SPOCD1: variants seen among roughly 807,000 people sequenced by gnomAD.
SPOCD1 encodes SPOC domain-containing protein 1.
SPOCD1 carries 64 observed loss-of-function variants against 92.2 expected under a neutral mutation model. The observed-to-expected ratio is 0.69, with a 90% CI of 0.57 to 0.86. The LOEUF is 0.86. SPOCD1 is among the 40% of genes least tolerant of loss of function. The probability of loss-of-function intolerance (pLI) is 0.00; values close to 1 mark genes in which losing one functional copy is unlikely to be tolerated. For synonymous variants in SPOCD1, 578 were observed against 619.3 expected, an observed-to-expected ratio of 0.93 and a Z score of 0.99; for missense variants, 1,360 against 1,543.1, an observed-to-expected ratio of 0.88 and a Z score of 1.99.
Position 31,798,400 on chromosome 1 carries a change from G to C in SPOCD1, c.2028+42C>G, listed in dbSNP as rs771667382. ...CCCTAGCATCCTGCAGGGGCTCTGA[G>C]ATTCAGAGAGGGGACGCAGCCCAGC... On this transcript the variant is annotated intron_variant, in intron 8 of 15. Coordinates refer to ENST00000360482, the MANE Select transcript of SPOCD1 (RefSeq NM_144569.7). This position sits in a 1 kb window ranked among gnomAD's most constrained non-coding sequence, Gnocchi z 4.1. 3.1e-6 allele frequency: 5 copies of C among 1,591,706 alleles called. No homozygotes were observed. The highest frequency in any genetic ancestry group is 1.3e-5 in the African/African-American group (1 of 74,584).
intron 2 of SPOCD1, among the ~76,000 whole-genome samples, chr1:31,803,097 T>TA (rs1648573977): frequency 6.6e-6 from 1 of 151,624 alleles, no homozygotes; most frequent in Admixed American, 6.6e-5. Flanking sequence ...TCAGGGGTCC[T>TA]AACGTCCATG....
rs1167571232 is a variant in SPOCD1 at position 31,815,990 on chromosome 1, G to A, written c.-69C>T. 2.6e-5 allele frequency: 4 copies of A among 152,436 alleles called. No individual in the cohort carries two copies. The East Asian group carries it at 7.7e-4, about 29-fold the overall frequency. The allele number at this position is 152,436 out of a possible 1,614,324, so 9.4% of individuals were successfully genotyped here. A position where few individuals can be genotyped will look rare whatever the true frequency, so the allele number is the denominator to read the frequency against. ...GCTTCCCTGAGTTTTCCCTCCTGGGGTTCCACCCACTAGCTGAAAAGGAGC... is the reference window on the plus strand; with the variant it reads ...GCTTCCCTGAGTTTTCCCTCCTGGGATTCCACCCACTAGCTGAAAAGGAGC... On this transcript the variant is annotated 5_prime_UTR_variant, in exon 1 of 16. Coordinates refer to ENST00000360482, the MANE Select transcript of SPOCD1 (RefSeq NM_144569.7).
At position 31,814,582 on chromosome 1, in the gene SPOCD1, G is replaced by T. The variant is rs1189106134; in HGVS notation, c.752C>A (p.Ser251Tyr). 6.5e-7 allele frequency: 1 copy of T among 1,528,792 alleles called. No individual in the cohort carries two copies. The highest frequency in any genetic ancestry group is 2.3e-5 in the East Asian group (1 of 44,090). 94.7% of individuals were successfully genotyped at this position (1,528,792 alleles called of 1,614,324 possible). A position where few individuals can be genotyped will look rare whatever the true frequency, so the allele number is the denominator to read the frequency against. The change falls in exon 2 of 16, where the codon TCC becomes TAC. Residue 251 changes from serine (S) to tyrosine (Y), a missense_variant. By Grantham distance (144) the Ser-to-Tyr change is moderately radical. Around this residue, in one of 3 missense-constraint regions of SPOCD1, gnomAD observed 606 missense variants for 601.5 expected, o/e 1.01. Transcript: ENST00000360482. This position sits in a 1 kb window ranked among gnomAD's most constrained non-coding sequence, Gnocchi z 4.2. ...GGGAGGTCTGCAAGGGCCTCCCAAG[G>T]ACTCCAGGTCAGCAACTTGGGGAGG... is the stretch of plus-strand genomic sequence containing the variant. ...GDPPQVADLE[S>Y]LGGPCRPPSP...
intron 2 of SPOCD1, among the ~76,000 whole-genome samples, chr1:31,802,678 A>G (rs1460405582): frequency 6.6e-6 from 1 of 152,208 alleles, no homozygotes; most frequent in East Asian, 1.9e-4. Flanking sequence ...TTCACTTTCT[A>G]CTTGTAGGAA....
At chr1:31,792,438 C>T (rs1160934398) in intron 14 of SPOCD1, 37 bp from the exon 15 acceptor site, 4 of 1,598,642 alleles carry the variant, frequency 2.5e-6, no homozygotes, top group Non-Finnish European at 2.6e-6. Context: ...TAAGCGCAGT[C>T]ATCCTCTGCT....
At position 31,794,146 on chromosome 1, in the gene SPOCD1, G is replaced by A. The variant is rs1647823390; in HGVS notation, c.2361C>T (p.Asp787=). 1.9e-6 allele frequency: 3 copies of A among 1,614,024 alleles called. No individual in the cohort carries two copies. The East Asian group carries it at 6.7e-5, about 36-fold the overall frequency. ...TTGQHDHHFL[D]PNCHICKDWE... ...CACCCTTGCAGATGTGGCAGTTGGG[G>A]TCTAAGAAGTGGTGGTCATGCTGCC... Residue 787 remains aspartate, a synonymous_variant, in exon 11 of 16, where the codon GAC becomes GAT. Transcript: ENST00000360482.
chr1:31,798,540 T>C lies in SPOCD1; in HGVS notation c.1930A>G (p.Ile644Val). ...EEVVEGIAAGIEAALWDLTQG... is the reference protein window; with the variant it reads ...EEVVEGIAAGVEAALWDLTQG... ...GTCAGGTCCCAGAGGGCTGCCTCAA[T>C]GCCAGCAGCAATGCCCTCCACCACC... The change falls in exon 8 of 16, where the codon ATT becomes GTT. Residue 644 changes from isoleucine (I) to valine (V), a missense_variant. This residue lies in a region of SPOCD1 where 614 missense variants were observed against 757.8 expected (regional missense o/e 0.81). Transcript: ENST00000360482. This position sits in a 1 kb window ranked among gnomAD's most constrained non-coding sequence, Gnocchi z 4.1. 1 of 1,613,874 alleles carries C rather than the reference T, an allele frequency of 6.2e-7. No individual in the cohort carries two copies.
chr1:31,795,812 C>T (rs1381857596), intron 10 of SPOCD1: 1 of 152,750 alleles, frequency 6.5e-6, no homozygotes, highest in Non-Finnish European at 1.5e-5. Flanking sequence ...GTTAAAGGGA[C>T]CTGCCCTGCA....
Position 31,815,052 on chromosome 1 carries a change from C to T in SPOCD1, c.282G>A (p.Ser94=), listed in dbSNP as rs763869524. 6.2e-6 allele frequency: 10 copies of T among 1,613,724 alleles called. No individual in the cohort carries two copies. In the East Asian group the frequency reaches 1.1e-4, roughly 18 times the overall value. ...GCATGTGGAGCCCAGGAGCCAGCAT[C>T]GAGCCCCGGCTCTGTACCACAGCTA... The part of the protein sequence containing the change: ...ELLAVVQSRG[S]MLAPGLHMQL... The change falls in exon 2 of 16, where the codon TCG becomes TCA. Residue 94 remains serine (S), a synonymous_variant. Coordinates refer to ENST00000360482, the MANE Select transcript of SPOCD1 (RefSeq NM_144569.7).
chr1:31,799,290 A>G (rs1343745676), intron 7 of SPOCD1, 111 bp downstream of exon 7: 17 of 939,346 alleles, frequency 1.8e-5, no homozygotes, highest in Non-Finnish European at 2.3e-5. Context: ...ACAGCTACCA[A>G]ATGGGGTTAG....
rs747881329 is a variant in SPOCD1 at position 31,790,799 on chromosome 1, T to C, written c.3455A>G (p.His1152Arg). 27 of 1,545,414 alleles carry C rather than the reference T, an allele frequency of 1.7e-5. No individual in the cohort carries two copies. The highest frequency in any genetic ancestry group is 2.0e-5 in the Non-Finnish European group (23 of 1,143,912). The stretch of plus-strand genomic sequence containing the variant: ...ACTCATGGTCGCCAGGGATTCGAGG[T>C]GCCGGAGCAGGGCTTGGTGGGGACA... ...DSCPHQALLR[H>R]LESLATMSHQ... The change falls in exon 16 of 16, where the codon CAC becomes CGC. Residue 1152 changes from histidine (H) to arginine (R), a missense_variant. His to Arg is a conservative substitution (Grantham distance 29). Transcript: ENST00000360482.
At chr1:31,792,037 A>G (rs1451661590) in intron 15 of SPOCD1, 178 bp downstream of exon 15, 1 of 659,170 alleles carries the variant, frequency 1.5e-6, no homozygotes, top group African/African-American at 1.8e-5. Flanking sequence ...AATGGCTGGC[A>G]TGCAGTTCAT....
intron 2 of SPOCD1, among the ~76,000 whole-genome samples, chr1:31,805,567 A>T (rs1469652342): frequency 6.6e-6 from 1 of 151,412 alleles, no homozygotes; most frequent in Non-Finnish European, 1.5e-5. Flanking sequence ...CCCTACCAAA[A>T]TTTTTTTTTA....
In SPOCD1 at chr1:31,809,538, A is replaced by C. The variant is rs531100654; in HGVS notation, c.1383+4413T>G. On this transcript the variant is annotated intron_variant, in intron 2 of 15. Coordinates refer to ENST00000360482, the MANE Select transcript of SPOCD1 (RefSeq NM_144569.7). ...CTATATGTAGTAGCCAAAAAAAAAA[A>C]CACCAAAAAACCCAAATGTCCACAT... is the stretch of plus-strand genomic sequence containing the variant. Among the ~76,000 whole-genome samples, 1,327 of 151,700 alleles carry C rather than the reference A, an allele frequency of 8.7e-3. 13 individuals are homozygous for C. The highest frequency in any genetic ancestry group is 0.03 in the African/African-American group (1,248 of 41,408).
chr1:31,803,105 A>C (rs1292608745), intron 2 of SPOCD1, among the ~76,000 whole-genome samples: 1 of 152,086 alleles, frequency 6.6e-6, no homozygotes, highest in African/African-American at 2.4e-5. Flanking sequence ...CCTAACGTCC[A>C]TGTTATGAGG....
rs1647820008 is a variant in SPOCD1, at chr1:31,794,117, CT to C, written c.2383+6del. The C allele has an allele frequency of 6.2e-7, 1 of 1,613,248 alleles. No homozygotes were observed. The highest frequency in any genetic ancestry group is 8.5e-7 in the Non-Finnish European group (1 of 1,179,516). ...CACCCCTGCACCCCTCCCGTGTCCC[CT>C]CCCACCCTTGCAGATGTGGCAGTTG... On this transcript the variant is annotated splice_donor_region_variant and intron_variant, in intron 11 of 15. Coordinates refer to ENST00000360482, the MANE Select transcript of SPOCD1 (RefSeq NM_144569.7).
intron 10 of SPOCD1, chr1:31,794,451 TG>T: frequency 2.3e-6 from 1 of 429,778 alleles, no homozygotes; most frequent in Non-Finnish European, 4.1e-6. Flanking sequence ...CAGAGACCAC[TG>T]TTGATATCCT....
rs1415179745 is a variant in SPOCD1 at position 31,800,067 on chromosome 1, TCTTG to T, written c.1673_1676del (p.Pro558GlnfsTer74). 1 of 1,609,190 alleles carries T rather than the reference TCTTG, an allele frequency of 6.2e-7. No individual in the cohort carries two copies. Among genetic ancestry groups the T allele is most frequent in the Admixed American group, 1.7e-5 (1 of 58,150 alleles). On this transcript the variant is annotated frameshift_variant, in exon 5 of 16. Coordinates refer to ENST00000360482, the MANE Select transcript of SPOCD1 (RefSeq NM_144569.7). LOFTEE classifies it high-confidence loss of function. ...GGTCGCCAAGGGCCAGGGAACCGCT[TCTTG>T]GAGGGTAGAAGGGGTCAGAGAGGCC...
At chr1:31,797,651 CCTT>C (rs1490444510) in intron 9 of SPOCD1, among the ~76,000 whole-genome samples, 1 of 152,176 alleles carries the variant, frequency 6.6e-6, no homozygotes, top group African/African-American at 2.4e-5. Context: ...TAAATCAGTC[CCTT>C]CTTCTCTCAC....
Sources: gnomAD v4.1 joint callset for allele counts (sites outside exome capture counted in the v4.1 genomes callset) on GRCh38, gnomAD v4.1.1 for gene constraint, gnomAD v4.1.1 regional missense constraint, Gnocchi (gnomAD v3.1) non-coding constraint, MANE v1.5 for transcripts, NCBI Gene and HGNC (gene_info 2026-07-23, HGNC 2026-07-21) for gene names.